Variants in RABGAP1L observed in about 807,000 individuals in gnomAD.
RABGAP1L encodes the protein rab GTPase-activating protein 1-like.
A neutral mutation model predicts 137.7 loss-of-function variants in RABGAP1L; 63 were observed. That is an observed-to-expected ratio of 0.46 (90% confidence interval 0.37 to 0.56). The LOEUF (loss-of-function observed/expected upper bound fraction) is 0.56, where lower values mean the gene tolerates loss of function less well. Ranked by LOEUF, RABGAP1L falls within the 20% of genes least tolerant of loss-of-function variation. RABGAP1L has a pLI of 0.00. For synonymous variants in RABGAP1L, 431 were observed against 433.7 expected, an observed-to-expected ratio of 0.99 and a Z score of 0.08; for missense variants, 1,095 against 1,244.0, an observed-to-expected ratio of 0.88 and a Z score of 1.80.
In RABGAP1L at chr1:174,995,159, T is replaced by C. The variant is rs1672291291; in HGVS notation, c.*5158T>C. The C allele has an allele frequency of 6.6e-6, 1 of 152,230 alleles. No individual in the cohort carries two copies. Among genetic ancestry groups the C allele is most frequent in the Non-Finnish European group, 1.5e-5 (1 of 68,040 alleles). 9.4% of individuals were successfully genotyped at this position (152,230 alleles called of 1,614,324 possible). A position where few individuals can be genotyped will look rare whatever the true frequency, so the allele number is the denominator to read the frequency against. On this transcript the variant is annotated 3_prime_UTR_variant, in exon 26 of 26. Coordinates refer to ENST00000681986, the MANE Select transcript of RABGAP1L (RefSeq NM_001366446.1). ...GAACTTGAATTGGATTAGTATCTTG[T>C]TTTTATGTGTGAATGAAGCCTTGTG... is the stretch of plus-strand genomic sequence containing the variant.
chr1:174,431,832 G>A (rs77063614), intron 13 of RABGAP1L, among the ~76,000 whole-genome samples: 2,230 of 152,212 alleles, frequency 0.015, 43 homozygotes, highest in African/African-American at 0.05. Flanking sequence ...AATTATGTCA[G>A]AATTCTTGGT....
intron 19 of RABGAP1L, among the ~76,000 whole-genome samples, chr1:174,944,757 T>A (rs1218414244): frequency 6.6e-6 from 1 of 152,130 alleles, no homozygotes; most frequent in Non-Finnish European, 1.5e-5. Flanking sequence ...TACAGTAAAA[T>A]TCCCCATTTT....
intron 5 of RABGAP1L, chr1:174,244,989 G>T (rs1461921700): frequency 6.6e-6 from 1 of 152,192 alleles, no homozygotes; most frequent in Non-Finnish European, 1.5e-5. Flanking sequence ...GCATCATTGG[G>T]AAGATACTTA....
At chr1:174,883,751 G>T (rs140939202) in intron 19 of RABGAP1L, among the ~76,000 whole-genome samples, 8 of 152,206 alleles carry the variant, frequency 5.3e-5, no homozygotes, top group African/African-American at 1.9e-4. Context: ...CAAGTAAAAA[G>T]AGATGACAAG....
chr1:174,285,900 G>A (rs544927293), intron 10 of RABGAP1L, among the ~76,000 whole-genome samples: 3 of 151,996 alleles, frequency 2.0e-5, no homozygotes, highest in South Asian at 2.1e-4. Context: ...ATTTGTGTAC[G>A]GTGAATCATC....
At chr1:174,270,017 C>T (rs1176613900) in intron 7 of RABGAP1L, among the ~76,000 whole-genome samples, 1 of 152,132 alleles carries the variant, frequency 6.6e-6, no homozygotes, top group Non-Finnish European at 1.5e-5. Flanking sequence ...CCATAGGAAT[C>T]CTGGTGTGCT....
At chr1:174,596,805 G>T (rs923711328) in intron 13 of RABGAP1L, among the ~76,000 whole-genome samples, 1 of 152,264 alleles carries the variant, frequency 6.6e-6, no homozygotes, top group African/African-American at 2.4e-5. Context: ...GATCTTGGAG[G>T]AAAGATTTTC....
At chr1:174,919,310 G>T (rs1367280088) in intron 19 of RABGAP1L, among the ~76,000 whole-genome samples, 1 of 152,114 alleles carries the variant, frequency 6.6e-6, no homozygotes, top group African/African-American at 2.4e-5. Context: ...GAGCCACTGC[G>T]CCTGGCCAAT....
intron 19 of RABGAP1L, among the ~76,000 whole-genome samples, chr1:174,869,406 G>T (rs1367124389): frequency 6.6e-6 from 1 of 152,052 alleles, no homozygotes; most frequent in Non-Finnish European, 1.5e-5. Context: ...TAAGCATCTG[G>T]CATTTCCCCT....
intron 18 of RABGAP1L, among the ~76,000 whole-genome samples, chr1:174,808,940 A>C (rs968278179): frequency 4.6e-5 from 7 of 152,122 alleles, no homozygotes; most frequent in African/African-American, 1.7e-4. Flanking sequence ...TACAGGTATG[A>C]GCCACCAAGC....
intron 19 of RABGAP1L, among the ~76,000 whole-genome samples, chr1:174,889,646 G>A (rs185431204): frequency 6.6e-6 from 1 of 151,892 alleles, no homozygotes; most frequent in Non-Finnish European, 1.5e-5. Context: ...GCTTAGGTTG[G>A]TCTTGAACTT....
chr1:174,436,377 G>A (rs1653303383), intron 13 of RABGAP1L, among the ~76,000 whole-genome samples: 1 of 152,096 alleles, frequency 6.6e-6, no homozygotes, highest in Non-Finnish European at 1.5e-5. Context: ...TCTCATTGTG[G>A]TTTTGATTTG....
chr1:174,522,849 G>C (rs1334490173), intron 13 of RABGAP1L, among the ~76,000 whole-genome samples: 5 of 152,118 alleles, frequency 3.3e-5, no homozygotes, highest in Non-Finnish European at 5.9e-5. Context: ...CTATTGTGAG[G>C]ATAGCATGAA....
chr1:174,987,312 GC>G (rs1307935314), intron 24 of RABGAP1L, among the ~76,000 whole-genome samples: 1 of 152,076 alleles, frequency 6.6e-6, no homozygotes, highest in Non-Finnish European at 1.5e-5. Context: ...GACTATAGGT[GC>G]CCGCCACCAT....
chr1:174,280,628 G>T (rs1675441245), intron 10 of RABGAP1L, among the ~76,000 whole-genome samples: 2 of 152,142 alleles, frequency 1.3e-5, no homozygotes, highest in Admixed American at 1.3e-4. Context: ...CTTTGTTCCT[G>T]TTTACTGTCC....
At chr1:174,755,542 T>A (rs1437954345) in intron 18 of RABGAP1L, among the ~76,000 whole-genome samples, 1 of 152,184 alleles carries the variant, frequency 6.6e-6, no homozygotes, top group Non-Finnish European at 1.5e-5. Flanking sequence ...ATTATATGCT[T>A]ATTTCGTGTC....
At chr1:174,657,456 T>C (rs1327771753) in intron 14 of RABGAP1L, among the ~76,000 whole-genome samples, 1 of 152,178 alleles carries the variant, frequency 6.6e-6, no homozygotes, top group Non-Finnish European at 1.5e-5. Flanking sequence ...TTCTATGAGA[T>C]CAACTTTTTT....
intron 11 of RABGAP1L, among the ~76,000 whole-genome samples, chr1:174,332,512 C>G (rs750202178): frequency 3.3e-5 from 5 of 152,146 alleles, no homozygotes; most frequent in Non-Finnish European, 5.9e-5. Context: ...TCCCCTGCCT[C>G]AGCCTCCCGA....
At chr1:174,841,586 A>C (rs966918189) in intron 19 of RABGAP1L, among the ~76,000 whole-genome samples, 1 of 152,116 alleles carries the variant, frequency 6.6e-6, no homozygotes, top group Non-Finnish European at 1.5e-5. Context: ...TAAATTAGAC[A>C]AAAATTGATC....
Sources: allele counts gnomAD v4.1 joint callset (sites outside exome capture counted in the v4.1 genomes callset), GRCh38; gene constraint gnomAD v4.1.1; transcripts MANE v1.5; gene names NCBI Gene and HGNC (gene_info 2026-07-23, HGNC 2026-07-21).